CEP350: variants seen among roughly 807,000 people sequenced by gnomAD.
CEP350 encodes centrosomal protein 350, also known as centrosome-associated protein 350.
CEP350 carries 126 observed loss-of-function variants against 331.8 expected under a neutral mutation model. The observed-to-expected ratio is 0.38, with a 90% CI of 0.33 to 0.44. CEP350 has a LOEUF of 0.44. CEP350 is among the 20% of genes least tolerant of loss of function. The pLI is 1.00. For missense variants in CEP350, 3,406 were observed against 3,634.6 expected (o/e 0.94, Z 1.62); for synonymous variants, 1,200 against 1,259.5 (o/e 0.95, Z 1.00).
chr1:179,977,879 A>T (rs1651984969), intron 1 of CEP350, among the ~76,000 whole-genome samples: 1 of 151,572 alleles, frequency 6.6e-6, no homozygotes, highest in Non-Finnish European at 1.5e-5. Flanking sequence ...TTATATCCTT[A>T]TTCTGTAAGC....
At chr1:180,085,604 A>G (rs1211851652) in intron 31 of CEP350, 3 of 152,214 alleles carry the variant, frequency 2.0e-5, no homozygotes, top group Non-Finnish European at 4.4e-5. Flanking sequence ...TCTCCTACTC[A>G]TTGCAAGAAT....
chr1:180,035,634 T>G (rs1032558209), intron 16 of CEP350, among the ~76,000 whole-genome samples: 2 of 152,222 alleles, frequency 1.3e-5, no homozygotes, highest in African/African-American at 4.8e-5. Flanking sequence ...TCAGGTTTAC[T>G]GAGTATTCTA....
chr1:179,985,586 C>T (rs972872267), intron 1 of CEP350, among the ~76,000 whole-genome samples: 1 of 152,290 alleles, frequency 6.6e-6, no homozygotes, highest in South Asian at 2.1e-4. Context: ...AATTGATTTA[C>T]AGCTCTGCAT....
chr1:180,096,248 A>C, intron 36 of CEP350, 64 bp downstream of exon 36: 2 of 1,480,834 alleles, frequency 1.4e-6, no homozygotes, highest in Admixed American at 2.5e-5. Flanking sequence ...ATATCTGTAA[A>C]TGTTGTAAAA....
At chr1:180,068,916 TACTG>T (rs1356522915) in intron 27 of CEP350, among the ~76,000 whole-genome samples, 1 of 152,178 alleles carries the variant, frequency 6.6e-6, no homozygotes, top group African/African-American at 2.4e-5. Flanking sequence ...GAGAAATTCT[TACTG>T]ACAGTATGAT....
chr1:180,025,921 A>G (rs1212785167), intron 14 of CEP350, among the ~76,000 whole-genome samples: 2 of 152,230 alleles, frequency 1.3e-5, no homozygotes, highest in Admixed American at 6.5e-5. Context: ...AAAATAAAAA[A>G]TACATAAAAT....
chr1:180,027,575 G>A (rs1005317272), intron 14 of CEP350, among the ~76,000 whole-genome samples: 4 of 152,008 alleles, frequency 2.6e-5, no homozygotes, highest in Non-Finnish European at 5.9e-5. Flanking sequence ...TTGTAGGGAT[G>A]GCTTCTGCCA....
At chr1:180,078,712 GA>G in intron 29 of CEP350, 38 bp downstream of exon 29, 12 of 1,510,128 alleles carry the variant, frequency 7.9e-6, no homozygotes, top group Admixed American at 2.2e-5. Context: ...AGATTCTCTA[GA>G]AAAAAAACTG....
Position 180,096,032 on chromosome 1 carries a change from A to G in CEP350, c.8920-6A>G. ...GTTTTGTTTTGTTTTGTTTTTCTCT[A>G]TCAAGGCGGTTTTTGATTTAACAAA... On this transcript the variant is annotated splice_polypyrimidine_tract_variant and splice_region_variant and intron_variant, in intron 35 of 37. Transcript: ENST00000367607. 6.4e-7 allele frequency: 1 copy of G among 1,551,318 alleles called. No individual in the cohort carries two copies. Among genetic ancestry groups the G allele is most frequent in the Non-Finnish European group, 8.7e-7 (1 of 1,147,596 alleles).
In CEP350 at chr1:180,020,451, A is replaced by G. The variant is rs763295716; in HGVS notation, c.2677A>G (p.Ile893Val). 5 of 1,613,916 alleles carry G rather than the reference A, an allele frequency of 3.1e-6. No homozygotes were observed. Among genetic ancestry groups the G allele is most frequent in the Middle Eastern group, 1.6e-4 (1 of 6,084 alleles). ...TAATGAAGATGTTTTCTCTGCCAGA[A>G]TTCAGAAGATGCTGGGAAGCTGTGT... Reference protein sequence around the residue: ...DDNEDVFSARIQKMLGSCVSH... With the variant: ...DDNEDVFSARVQKMLGSCVSH... Residue 893 changes from isoleucine (I) to valine (V), a missense_variant, in exon 12 of 38, where the codon ATT (isoleucine) becomes GTT (valine). Physicochemically the swap from Ile to Val is conservative, Grantham distance 29. Coordinates refer to ENST00000367607, the MANE Select transcript of CEP350 (RefSeq NM_014810.5).
chr1:179,994,374 T>G (rs754829986), intron 5 of CEP350, among the ~76,000 whole-genome samples: 7 of 152,164 alleles, frequency 4.6e-5, no homozygotes, highest in Non-Finnish European at 7.4e-5. Flanking sequence ...ATAATCACAT[T>G]TAGCCTCGGT....
In CEP350 at chr1:180,095,643, T is replaced by C. The variant is rs779651729; in HGVS notation, c.8632T>C (p.Phe2878Leu). 2 of 1,613,892 alleles carry C rather than the reference T, an allele frequency of 1.2e-6. No homozygotes were observed. Among genetic ancestry groups the C allele is most frequent in the South Asian group, 1.1e-5 (1 of 91,086 alleles). ...TGATCAAGACTGGTTTGATGAAGAC[T>C]TTGGTTTGAGCTCTTCTCACAAGAT... ...GDDQDWFDED[F>L]GLSSSHKIQK... Residue 2878 changes from phenylalanine to leucine, a missense_variant, in exon 35 of 38, where the codon TTT (phenylalanine) becomes CTT (leucine). Coordinates refer to ENST00000367607, the MANE Select transcript of CEP350 (RefSeq NM_014810.5).
Position 180,020,912 on chromosome 1 carries a change from T to C in CEP350, c.3138T>C (p.Gly1046=), listed in dbSNP as rs778205953. Residue 1046 remains glycine (G), a synonymous_variant, in exon 12 of 38, where the codon GGT becomes GGC. Coordinates refer to ENST00000367607, the MANE Select transcript of CEP350 (RefSeq NM_014810.5). ...EKFLPLFGHI[G]GTQSKGPWEE... is the part of the protein sequence containing the mutation. ...TCTTGCCACTTTTTGGGCACATAGG[T>C]GGTACACAAAGCAAAGGACCATGGG... 19 of 1,612,514 alleles carry C rather than the reference T, an allele frequency of 1.2e-5. No individual in the cohort carries two copies. The South Asian group carries it at 2.0e-4, about 17-fold the overall frequency.
At chr1:180,018,534 A>G (rs1178370604) in intron 11 of CEP350, among the ~76,000 whole-genome samples, 3 of 152,184 alleles carry the variant, frequency 2.0e-5, no homozygotes, top group South Asian at 2.1e-4. Flanking sequence ...GTAATAGCCT[A>G]TATTCTAAGG....
intron 28 of CEP350, among the ~76,000 whole-genome samples, chr1:180,075,942 A>G (rs1160138305): frequency 6.6e-6 from 1 of 151,698 alleles, no homozygotes; most frequent in Non-Finnish European, 1.5e-5. Context: ...GGCAACAGCG[A>G]GACTCCGTAT....
intron 14 of CEP350, among the ~76,000 whole-genome samples, chr1:180,028,263 C>G (rs1655802510): frequency 2.0e-5 from 3 of 152,128 alleles, no homozygotes; most frequent in South Asian, 2.1e-4. Flanking sequence ...AAGCATTTTC[C>G]AAGTGTATTT....
rs1386108582 is a variant in CEP350, at chr1:180,095,926, A to C, written c.8915A>C (p.Lys2972Thr). 3 of 1,595,352 alleles carry C rather than the reference A, an allele frequency of 1.9e-6. No individual in the cohort carries two copies. In the South Asian group the frequency reaches 3.4e-5, roughly 18 times the overall value. Residue 2972 changes from lysine to threonine, a missense_variant, in exon 35 of 38, where the codon AAA becomes ACA. Coordinates refer to ENST00000367607, the MANE Select transcript of CEP350 (RefSeq NM_014810.5). The part of the protein sequence containing the change: ...DIESTSKRVY[K>T]QAVFDLTKEI... Reference sequence around the variant, plus strand: ...GAAAGCACTAGTAAAAGGGTCTACAAACAGGTAGGTGAAATAAAAGGATAA... The same window carrying C: ...GAAAGCACTAGTAAAAGGGTCTACACACAGGTAGGTGAAATAAAAGGATAA...
chr1:180,015,395 C>T (rs748842259), intron 10 of CEP350, among the ~76,000 whole-genome samples: 7 of 152,048 alleles, frequency 4.6e-5, no homozygotes, highest in African/African-American at 1.2e-4. Context: ...CTACCTCGCC[C>T]GGCTAATTTT....
Position 180,062,166 on chromosome 1 carries a change from T to A in CEP350, c.5263-54T>A, listed in dbSNP as rs1004502159. ...TGCTGATTTTTTTTTTAAATATTACTTTGGCCTTGTCTTCTCCCAATCTTA... is the reference window on the plus strand; with the variant it reads ...TGCTGATTTTTTTTTTAAATATTACATTGGCCTTGTCTTCTCCCAATCTTA... On this transcript the variant is annotated intron_variant, in intron 25 of 37. Coordinates refer to ENST00000367607, the MANE Select transcript of CEP350 (RefSeq NM_014810.5). 32 of 1,426,986 alleles carry A rather than the reference T, an allele frequency of 2.2e-5. No individual in the cohort carries two copies. The East Asian group carries it at 2.5e-4, about 11-fold the overall frequency. The allele number at this position is 1,426,986 out of a possible 1,614,324, so 88.4% of individuals were successfully genotyped here. A position where few individuals can be genotyped will look rare whatever the true frequency, so the allele number is the denominator to read the frequency against.
Sources: allele counts gnomAD v4.1 joint callset (sites outside exome capture counted in the v4.1 genomes callset), GRCh38; gene constraint gnomAD v4.1.1; transcripts MANE v1.5; gene names NCBI Gene and HGNC (gene_info 2026-07-23, HGNC 2026-07-21).